The following GPC6 variants were observed in gnomAD, a reference collection of about 807,000 sequenced individuals.
GPC6 encodes glypican-6.
A neutral mutation model predicts 55.2 loss-of-function variants in GPC6; 14 were observed. The observed-to-expected ratio is 0.25, with a 90% CI of 0.17 to 0.40. The LOEUF is 0.40. Ranked by LOEUF, GPC6 falls within the 10% of genes least tolerant of loss-of-function variation. GPC6 has a pLI of 1.00. For synonymous variants in GPC6, 278 were observed against 259.6 expected (o/e 1.07, Z -0.68); for missense variants, 641 against 708.5 (o/e 0.90, Z 1.08).
chr13:93,442,499 C>A (rs1031007685), intron 1 of GPC6, among the ~76,000 whole-genome samples: 1 of 152,172 alleles, frequency 6.6e-6, no homozygotes, highest in Non-Finnish European at 1.5e-5. Flanking sequence ...CATCCTTCTA[C>A]CACCTCCCAT....
At position 93,326,330 on chromosome 13, in the gene GPC6, C is replaced by T. The variant is rs145627916; in HGVS notation, c.160+98714C>T. Among the ~76,000 whole-genome samples, 86 of 152,186 alleles carry T rather than the reference C, an allele frequency of 5.7e-4. 1 individual carries two copies. In the Middle Eastern group the frequency reaches 0.01, roughly 18 times the overall value. On this transcript the variant is annotated intron_variant, in intron 1 of 8. Coordinates refer to ENST00000377047, the MANE Select transcript of GPC6 (RefSeq NM_005708.5). Reference sequence around the variant, plus strand: ...ATAGGTCTGGGTGGGGCTTGAGATTCTTTACTTATTACTGCCAGGTGAGCT... The same window carrying T: ...ATAGGTCTGGGTGGGGCTTGAGATTTTTTACTTATTACTGCCAGGTGAGCT...
intron 3 of GPC6, among the ~76,000 whole-genome samples, chr13:93,935,692 A>G (rs937510538): frequency 6.6e-6 from 1 of 152,188 alleles, no homozygotes; most frequent in African/African-American, 2.4e-5. Context: ...CTCTGTTTTG[A>G]CATTCTGAGG....
intron 3 of GPC6, among the ~76,000 whole-genome samples, chr13:93,935,877 G>A (rs746101407): frequency 6.6e-6 from 1 of 152,112 alleles, no homozygotes; most frequent in African/African-American, 2.4e-5. Context: ...CAGATTCCTG[G>A]GTTCCATTCC....
intron 1 of GPC6, among the ~76,000 whole-genome samples, chr13:93,367,385 G>C (rs751796918): frequency 2.0e-5 from 3 of 151,938 alleles, no homozygotes; most frequent in Non-Finnish European, 2.9e-5. Context: ...TTTTATTGCT[G>C]TTTCCAAAGA....
intron 3 of GPC6, among the ~76,000 whole-genome samples, chr13:93,951,535 TC>T (rs1349293410): frequency 6.6e-6 from 1 of 152,210 alleles, no homozygotes; most frequent in East Asian, 1.9e-4. Flanking sequence ...TATTTATTTT[TC>T]TGTTTCTATT....
chr13:93,406,785 A>G (rs745392861), intron 1 of GPC6, among the ~76,000 whole-genome samples: 8 of 152,172 alleles, frequency 5.3e-5, no homozygotes, highest in Non-Finnish European at 5.9e-5. Flanking sequence ...CATTCTTGCC[A>G]AATCTACTCA....
At chr13:93,258,741 C>A (rs962335292) in intron 1 of GPC6, among the ~76,000 whole-genome samples, 1 of 151,856 alleles carries the variant, frequency 6.6e-6, no homozygotes, top group South Asian at 2.1e-4. Context: ...GAGTTCAACA[C>A]CAGCTTAAGC....
At chr13:93,261,445 C>G (rs1367003578) in intron 1 of GPC6, among the ~76,000 whole-genome samples, 1 of 152,126 alleles carries the variant, frequency 6.6e-6, no homozygotes, top group African/African-American at 2.4e-5. Context: ...AGCACATTTT[C>G]CTGTAGTACT....
chr13:94,247,038 A>G (rs148013840), intron 4 of GPC6, among the ~76,000 whole-genome samples: 2,761 of 152,090 alleles, frequency 0.018, 47 homozygotes, highest in Non-Finnish European at 0.029. Flanking sequence ...TCTTTCATCA[A>G]TGTTTTATGG....
intron 1 of GPC6, among the ~76,000 whole-genome samples, chr13:93,471,921 C>T (rs9524079): frequency 0.33 from 50,857 of 152,050 alleles, 8,947 homozygotes; most frequent in East Asian, 0.61. Flanking sequence ...AGTGCTTCTC[C>T]GTTCTTGCTG....
At chr13:94,336,554 C>T (rs979936821) in intron 6 of GPC6, among the ~76,000 whole-genome samples, 4 of 152,072 alleles carry the variant, frequency 2.6e-5, no homozygotes, top group African/African-American at 9.7e-5. Flanking sequence ...ATCTGCACGT[C>T]GGTAGCGGTT....
chr13:93,714,145 C>G (rs560783096), intron 2 of GPC6, among the ~76,000 whole-genome samples: 2 of 151,974 alleles, frequency 1.3e-5, no homozygotes, highest in East Asian at 1.9e-4. Context: ...ACAGAGTAAA[C>G]AGACAACCAA....
chr13:94,117,793 T>C (rs1253315011), intron 4 of GPC6, among the ~76,000 whole-genome samples: 1 of 152,112 alleles, frequency 6.6e-6, no homozygotes, highest in Admixed American at 6.6e-5. Context: ...TTGCAATTAC[T>C]CATTGGGGCA....
intron 3 of GPC6, among the ~76,000 whole-genome samples, chr13:93,965,884 A>G (rs1323182943): frequency 6.6e-6 from 1 of 152,170 alleles, no homozygotes; most frequent in Non-Finnish European, 1.5e-5. Context: ...ACGTTTTGTG[A>G]CAATATTTTA....
At chr13:94,359,244 T>C (rs1301374882) in intron 6 of GPC6, among the ~76,000 whole-genome samples, 1 of 152,180 alleles carries the variant, frequency 6.6e-6, no homozygotes, top group African/African-American at 2.4e-5. Context: ...ACATAGGAAA[T>C]AATTTGAAGA....
chr13:94,297,322 C>T lies in GPC6; in HGVS notation c.1009-8658C>T, dbSNP rs575610670. Among the ~76,000 whole-genome samples, 32 of 152,180 alleles carry T rather than the reference C, an allele frequency of 2.1e-4. 1 individual carries two copies. The highest frequency in any genetic ancestry group is 5.3e-4 in the African/African-American group (22 of 41,518). The stretch of plus-strand genomic sequence containing the variant: ...CGTAGGTGGAAGGAATGGTAGAGCC[C>T]GTCTGATGTAAATTACATGCTTACT... On this transcript the variant is annotated intron_variant, in intron 5 of 8. Coordinates refer to ENST00000377047, the MANE Select transcript of GPC6 (RefSeq NM_005708.5).
intron 1 of GPC6, among the ~76,000 whole-genome samples, chr13:93,298,785 G>T (rs149765944): frequency 9.4e-4 from 143 of 151,862 alleles, no homozygotes; most frequent in African/African-American, 3.2e-3. Flanking sequence ...CCTGCGTACT[G>T]CCTGACGTGG....
intron 3 of GPC6, among the ~76,000 whole-genome samples, chr13:93,850,716 G>A (rs1438753276): frequency 6.6e-6 from 1 of 151,914 alleles, no homozygotes; most frequent in East Asian, 1.9e-4. Flanking sequence ...TCCAGAGCTC[G>A]TTAGACCAGA....
At chr13:93,944,303 A>G (rs1431513558) in intron 3 of GPC6, among the ~76,000 whole-genome samples, 1 of 151,828 alleles carries the variant, frequency 6.6e-6, no homozygotes, top group African/African-American at 2.4e-5. Context: ...TCCCAGGTTC[A>G]CGCCATTCTC....
Sources: gnomAD v4.1 joint callset for allele counts (sites outside exome capture counted in the v4.1 genomes callset) on GRCh38, gnomAD v4.1.1 for gene constraint, MANE v1.5 for transcripts, NCBI Gene and HGNC (gene_info 2026-07-23, HGNC 2026-07-21) for gene names.